INTU: variants seen among roughly 807,000 people sequenced by gnomAD.
INTU encodes inturned planar cell polarity protein.
In INTU, 68 loss-of-function variants were observed where a neutral mutation model predicts 100.5. That is an observed-to-expected ratio of 0.68 (90% CI 0.56 to 0.83). The LOEUF (loss-of-function observed/expected upper bound fraction) is 0.83. Ranked by LOEUF, INTU falls within the 40% of genes least tolerant of loss-of-function variation. The probability of loss-of-function intolerance (pLI) is 0.00; values close to 1 mark genes in which losing one functional copy is unlikely to be tolerated. For synonymous variants in INTU, 357 were observed against 395.7 expected, an observed-to-expected ratio of 0.90 and a Z score of 1.16; for missense variants, 1,071 against 1,114.7, an observed-to-expected ratio of 0.96 and a Z score of 0.56.
chr4:127,669,261 A>G, intron 5 of INTU, 107 bp downstream of exon 5: 1 of 565,160 alleles, frequency 1.8e-6, no homozygotes, highest in Admixed American at 2.8e-5. Flanking sequence ...TTGTATCTAC[A>G]ATGTATGTAT....
intron 3 of INTU, among the ~76,000 whole-genome samples, chr4:127,659,459 C>T (rs1466746297): frequency 6.6e-6 from 1 of 152,164 alleles, no homozygotes; most frequent in Non-Finnish European, 1.5e-5. Context: ...TCTCTTCTTA[C>T]AACTTTTCTG....
At chr4:127,681,784 A>G (rs914444299) in intron 6 of INTU, among the ~76,000 whole-genome samples, 1 of 152,222 alleles carries the variant, frequency 6.6e-6, no homozygotes, top group Non-Finnish European at 1.5e-5. Flanking sequence ...GCTTCTACAC[A>G]GCAAAAGAAA....
chr4:127,669,248 T>C (rs1728819849), intron 5 of INTU, 94 bp downstream of exon 5: 1 of 597,124 alleles, frequency 1.7e-6, no homozygotes, highest in Admixed American at 2.7e-5. Context: ...TATACAAATA[T>C]ACTTGTATCT....
intron 7 of INTU, 186 bp from the exon 8 acceptor site, chr4:127,687,492 A>T (rs1729877008): frequency 2.3e-6 from 1 of 432,258 alleles, no homozygotes; most frequent in African/African-American, 2.0e-5. Context: ...TAGGGTAAAA[A>T]GTTTGGACAG....
In INTU at chr4:127,705,713, A is replaced by T. The variant is rs1164740422; in HGVS notation, c.1689A>T (p.Arg563Ser). ...GAATTGGTCAGTTGATCATATGGAG[A>T]GAAGTGTTTCCTCAGCATCACCTCC... ...KQRIGQLIIW[R>S]EVFPQHHLRP... The change falls in exon 11 of 16, where the codon AGA becomes AGT. Residue 563 changes from arginine (R) to serine (S), a missense_variant. Coordinates refer to ENST00000335251, the MANE Select transcript of INTU (RefSeq NM_015693.4). The T allele has an allele frequency of 1.2e-6, 2 of 1,614,026 alleles. No homozygotes were observed. Among genetic ancestry groups the T allele is most frequent in the Non-Finnish European group, 1.7e-6 (2 of 1,179,936 alleles).
chr4:127,701,287 G>A lies in INTU; in HGVS notation c.1503+1224G>A, dbSNP rs559839245. Among the ~76,000 whole-genome samples the A allele has an allele frequency of 8.5e-5, 13 of 152,296 alleles. No individual in the cohort carries two copies. The South Asian group carries it at 2.3e-3, about 27-fold the overall frequency. The stretch of plus-strand genomic sequence containing the variant: ...TCCAAATAAATTAGAAAAGGCTGGC[G>A]TGAGGTGGGGGAGAAGGGAGAGAAG... On this transcript the variant is annotated intron_variant, in intron 9 of 15. Transcript: ENST00000335251.
chr4:127,687,533 C>A, intron 7 of INTU, 145 bp from the exon 8 acceptor site: 1 of 625,060 alleles, frequency 1.6e-6, no homozygotes. Flanking sequence ...CCGTCAGTAA[C>A]ATTCTAGCAG....
Position 127,723,337 on chromosome 4 carries a change from C to T in INTU, c.*6901C>T, listed in dbSNP as rs1384213690. On this transcript the variant is annotated 3_prime_UTR_variant, in exon 16 of 16. Transcript: ENST00000335251. ...CAGTTTTCTTCCTTCTTGGTGGGAGCTGCAGAGCAGAGCTGCCTCTCTTTG... is the reference window on the plus strand; with the variant it reads ...CAGTTTTCTTCCTTCTTGGTGGGAGTTGCAGAGCAGAGCTGCCTCTCTTTG... The T allele has an allele frequency of 6.7e-6, 1 of 150,002 alleles. No individual in the cohort carries two copies. The highest frequency in any genetic ancestry group is 1.5e-5 in the Non-Finnish European group (1 of 67,746). The allele number at this position is 150,002 out of a possible 1,614,324, so 9.3% of individuals were successfully genotyped here. A position where few individuals can be genotyped will look rare whatever the true frequency, so the allele number is the denominator to read the frequency against.
chr4:127,716,458 A>G lies in INTU; in HGVS notation c.*22A>G. ...GTAGCTGTGCTTTCTTGATGCGTAGAAACACGTGCATGGAGGATCAAACAC... is the reference window on the plus strand; with the variant it reads ...GTAGCTGTGCTTTCTTGATGCGTAGGAACACGTGCATGGAGGATCAAACAC... On this transcript the variant is annotated 3_prime_UTR_variant, in exon 16 of 16. Coordinates refer to ENST00000335251, the MANE Select transcript of INTU (RefSeq NM_015693.4). 8.7e-7 allele frequency: 1 copy of G among 1,152,902 alleles called. No individual in the cohort carries two copies. Among genetic ancestry groups the G allele is most frequent in the Non-Finnish European group, 1.3e-6 (1 of 792,790 alleles). 71.4% of individuals were successfully genotyped at this position (1,152,902 alleles called of 1,614,324 possible). A position where few individuals can be genotyped will look rare whatever the true frequency, so the allele number is the denominator to read the frequency against.
At chr4:127,686,123 G>A (rs1290627940) in intron 7 of INTU, 1 of 152,138 alleles carries the variant, frequency 6.6e-6, no homozygotes, top group Non-Finnish European at 1.5e-5. Context: ...AGACCAAAAA[G>A]TGTAGAGACT....
At chr4:127,669,579 A>C (rs1728833223) in intron 5 of INTU, among the ~76,000 whole-genome samples, 1 of 151,828 alleles carries the variant, frequency 6.6e-6, no homozygotes, top group Admixed American at 6.6e-5. Flanking sequence ...CTTTGTGGCA[A>C]ACAGAATTGG....
At chr4:127,704,435 A>G (rs1452779277) in intron 10 of INTU, 145 bp downstream of exon 10, 3 of 656,732 alleles carry the variant, frequency 4.6e-6, no homozygotes, top group South Asian at 2.3e-5. Context: ...CATTTTAGAG[A>G]CAGGGTCTTG....
At chr4:127,663,024 G>A (rs747864923) in intron 3 of INTU, among the ~76,000 whole-genome samples, 2 of 152,108 alleles carry the variant, frequency 1.3e-5, no homozygotes, top group Non-Finnish European at 2.9e-5. Context: ...ATATTGTGGT[G>A]TTATTCTTTT....
chr4:127,686,254 C>A (rs1259051069), intron 7 of INTU: 1 of 152,130 alleles, frequency 6.6e-6, no homozygotes, highest in African/African-American at 2.4e-5. Context: ...TCACCATTCC[C>A]CACTAATTCA....
intron 2 of INTU, among the ~76,000 whole-genome samples, chr4:127,652,299 G>A (rs1273027148): frequency 6.7e-6 from 1 of 149,882 alleles, no homozygotes. Context: ...TCTTGTGCCA[G>A]TTTTCAAAGG....
intron 8 of INTU, among the ~76,000 whole-genome samples, chr4:127,697,565 G>T (rs908460358): frequency 6.6e-6 from 1 of 152,058 alleles, no homozygotes; most frequent in Admixed American, 6.6e-5. Context: ...TGTGGTAGTT[G>T]TCTTTCTGTG....
intron 13 of INTU, among the ~76,000 whole-genome samples, chr4:127,709,638 G>T (rs1731018044): frequency 6.6e-6 from 1 of 151,846 alleles, no homozygotes; most frequent in Non-Finnish European, 1.5e-5. Context: ...ATGACATCAT[G>T]TGTGGGATCA....
chr4:127,661,618 C>T (rs1298330836), intron 3 of INTU, among the ~76,000 whole-genome samples: 2 of 152,156 alleles, frequency 1.3e-5, no homozygotes, highest in African/African-American at 4.8e-5. Context: ...CTCAGAGCTC[C>T]TTCCTAAAGC....
chr4:127,711,837 C>A (rs1412373676), intron 14 of INTU, among the ~76,000 whole-genome samples: 1 of 152,144 alleles, frequency 6.6e-6, no homozygotes, highest in Non-Finnish European at 1.5e-5. Flanking sequence ...GCTATAGACA[C>A]AAGACTAATG....
Sources: allele counts gnomAD v4.1 joint callset (sites outside exome capture counted in the v4.1 genomes callset), GRCh38; gene constraint gnomAD v4.1.1; transcripts MANE v1.5; gene names NCBI Gene and HGNC (gene_info 2026-07-23, HGNC 2026-07-21).